Variants in GAB2 observed in about 807,000 individuals in gnomAD.
GAB2 encodes the protein GRB2 associated binding protein 2.
A neutral mutation model predicts 65.5 loss-of-function variants in GAB2; 26 were observed. The ratio of observed to expected loss-of-function variants is 0.40; its 90% CI spans 0.29 to 0.55. GAB2 has a LOEUF of 0.55. Among genes scored for constraint, GAB2 ranks in the 20% least tolerant of loss-of-function variants. The pLI, the probability that GAB2 is intolerant of heterozygous loss-of-function variation, is 0.53. For missense variants in GAB2, 884 were observed against 875.8 expected, an observed-to-expected ratio of 1.01 and a Z score of -0.12; for synonymous variants, 321 against 329.6, an observed-to-expected ratio of 0.97 and a Z score of 0.28.
At chr11:78,382,455 T>A (rs1437539250) in intron 1 of GAB2, among the ~76,000 whole-genome samples, 1 of 151,820 alleles carries the variant, frequency 6.6e-6, no homozygotes, top group African/African-American at 2.4e-5. Flanking sequence ...CTCGGCTCAC[T>A]GCAAGTGCTG....
intron 1 of GAB2, among the ~76,000 whole-genome samples, chr11:78,340,207 A>G (rs1401093328): frequency 6.6e-6 from 1 of 152,312 alleles, no homozygotes; most frequent in South Asian, 2.1e-4. Flanking sequence ...TAATCAAAAC[A>G]TACCATCATA....
chr11:78,328,567 T>A (rs1394282048), intron 1 of GAB2, among the ~76,000 whole-genome samples: 1 of 152,164 alleles, frequency 6.6e-6, no homozygotes, highest in Non-Finnish European at 1.5e-5. Context: ...GGTATATTCA[T>A]GCAATGGAAT....
At chr11:78,228,840 G>C (rs935003640) in intron 3 of GAB2, among the ~76,000 whole-genome samples, 1 of 152,082 alleles carries the variant, frequency 6.6e-6, no homozygotes, top group Non-Finnish European at 1.5e-5. Flanking sequence ...CGGGGGTGGC[G>C]GGGGGAGCGA....
Position 78,366,646 on chromosome 11 carries a change from T to A in GAB2, c.75+51000A>T, listed in dbSNP as rs536159799. Among the ~76,000 whole-genome samples the A allele has an allele frequency of 1.3e-4, 17 of 134,356 alleles. 1 individual carries two copies. In the South Asian group the frequency reaches 4.0e-3, roughly 32 times the overall value. The allele number at this position is 134,356 out of a possible 152,430, so 88.1% of individuals were successfully genotyped here. A position where few individuals can be genotyped will look rare whatever the true frequency, so the allele number is the denominator to read the frequency against. ...AAATAGAATATGCACAAAGTGAGGA[T>A]GGGGGGTTAATTTACCCTGCTACCA... On this transcript the variant is annotated intron_variant, in intron 1 of 9. Coordinates refer to ENST00000361507, the MANE Select transcript of GAB2 (RefSeq NM_080491.3).
intron 1 of GAB2, among the ~76,000 whole-genome samples, chr11:78,412,381 A>G (rs1857141082): frequency 6.6e-6 from 1 of 152,218 alleles, no homozygotes; most frequent in Non-Finnish European, 1.5e-5. Context: ...ATGAATCTCC[A>G]GAGAATTATG....
chr11:78,367,903 G>A (rs1258562504), intron 1 of GAB2, among the ~76,000 whole-genome samples: 8 of 134,612 alleles, frequency 5.9e-5, no homozygotes, highest in Non-Finnish European at 1.1e-4. Flanking sequence ...TGCAAGCTCC[G>A]CCTCCCGGAT....
intron 3 of GAB2, among the ~76,000 whole-genome samples, chr11:78,227,614 T>C (rs894574798): frequency 8.7e-6 from 1 of 115,262 alleles, no homozygotes; most frequent in Non-Finnish European, 1.7e-5. Flanking sequence ...GGGAACACAA[T>C]AAGACTCCAT....
chr11:78,374,107 C>T (rs1454363964), intron 1 of GAB2, among the ~76,000 whole-genome samples: 2 of 152,164 alleles, frequency 1.3e-5, no homozygotes, highest in African/African-American at 2.4e-5. Flanking sequence ...TATATTATAA[C>T]ACATGATAAG....
chr11:78,249,423 C>G (rs73511303), intron 3 of GAB2, among the ~76,000 whole-genome samples: 4,590 of 152,296 alleles, frequency 0.03, 206 homozygotes, highest in African/African-American at 0.1. Flanking sequence ...GGAATTAGCT[C>G]TGGCAAAGCC....
chr11:78,328,142 C>T (rs755079529), intron 1 of GAB2, among the ~76,000 whole-genome samples: 4 of 152,102 alleles, frequency 2.6e-5, no homozygotes, highest in South Asian at 2.1e-4. Context: ...AGCAAGATTC[C>T]GAGAAACGGA....
At chr11:78,299,792 C>T (rs1866941839) in intron 1 of GAB2, among the ~76,000 whole-genome samples, 1 of 152,180 alleles carries the variant, frequency 6.6e-6, no homozygotes, top group African/African-American at 2.4e-5. Flanking sequence ...TGAAGTATTG[C>T]ATATGTAGCT....
chr11:78,275,552 T>G (rs768512495), intron 2 of GAB2, among the ~76,000 whole-genome samples: 14 of 152,196 alleles, frequency 9.2e-5, no homozygotes, highest in Non-Finnish European at 1.8e-4. Context: ...TGTGACTGAA[T>G]CTTTTAACAT....
rs774133818 is a variant in GAB2, at chr11:78,223,426, T to C, written c.1553A>G (p.Lys518Arg). Reference protein sequence around the residue: ...IQPPPVNRNLKPDRKAKPTPL... With the variant: ...IQPPPVNRNLRPDRKAKPTPL... ...AATGGACTTACCTTTCCGATCAGGT[T>C]TGAGGTTGCGGTTGACAGGGGGTGG... Residue 518 changes from lysine to arginine, a missense_variant, in exon 6 of 10, where the codon AAA (lysine) becomes AGA (arginine). Physicochemically the swap from Lys to Arg is conservative, Grantham distance 26. Transcript: ENST00000361507. The C allele has an allele frequency of 1.3e-6, 2 of 1,562,364 alleles. No individual in the cohort carries two copies. The highest frequency in any genetic ancestry group is 1.7e-6 in the Non-Finnish European group (2 of 1,152,764).
chr11:78,300,526 A>AAAAAAAAAAAAAAAAAAAC (rs768693943), intron 1 of GAB2, among the ~76,000 whole-genome samples: 1 of 145,416 alleles, frequency 6.9e-6, no homozygotes, highest in Non-Finnish European at 1.5e-5. Context: ...TAAAAAAACA[A>AAAAAAAAAAAAAAAAAAAC]AAAAACAAAA....
intron 3 of GAB2, among the ~76,000 whole-genome samples, chr11:78,246,698 C>A (rs2134515609): frequency 6.6e-6 from 1 of 152,248 alleles, no homozygotes; most frequent in East Asian, 1.9e-4. Flanking sequence ...GGGGTTTCAC[C>A]ATGTTGGCCA....
chr11:78,242,529 A>C (rs1331370198), intron 3 of GAB2, among the ~76,000 whole-genome samples: 2 of 152,256 alleles, frequency 1.3e-5, no homozygotes, highest in Admixed American at 6.5e-5. Flanking sequence ...AAAAGAATGA[A>C]ATTTAGAAAT....
At chr11:78,401,843 G>C (rs1355472656) in intron 1 of GAB2, among the ~76,000 whole-genome samples, 2 of 152,184 alleles carry the variant, frequency 1.3e-5, no homozygotes, top group African/African-American at 4.8e-5. Context: ...CCTTGAACTG[G>C]TTAGAACAGT....
chr11:78,282,704 C>G (rs960119527), intron 1 of GAB2, among the ~76,000 whole-genome samples: 2 of 152,004 alleles, frequency 1.3e-5, no homozygotes, highest in Admixed American at 6.6e-5. Context: ...CCCTACCTAC[C>G]CCATAGGGTT....
At chr11:78,397,551 C>T (rs1403135235) in intron 1 of GAB2, among the ~76,000 whole-genome samples, 1 of 152,126 alleles carries the variant, frequency 6.6e-6, no homozygotes. Context: ...GAAATTAGTC[C>T]TAAGAACATA....
Sources: allele counts gnomAD v4.1 joint callset (sites outside exome capture counted in the v4.1 genomes callset), GRCh38; gene constraint gnomAD v4.1.1; transcripts MANE v1.5; gene names NCBI Gene and HGNC (gene_info 2026-07-23, HGNC 2026-07-21).